GPATCH11: variants seen among roughly 807,000 people sequenced by gnomAD.
GPATCH11 encodes the protein G patch domain-containing protein 11.
Under a neutral mutation model 44.8 loss-of-function variants are expected in GPATCH11, and 32 were observed. The observed-to-expected ratio is 0.71, with a 90% CI of 0.54 to 0.96. GPATCH11 has a LOEUF of 0.96. Ranked by LOEUF, GPATCH11 falls within the 40% of genes least tolerant of loss-of-function variation. The pLI, the probability that GPATCH11 is intolerant of heterozygous loss-of-function variation, is 0.00. For synonymous variants in GPATCH11, 84 were observed against 94.4 expected, an observed-to-expected ratio of 0.89 and a Z score of 0.64; for missense variants, 324 against 303.1, an observed-to-expected ratio of 1.07 and a Z score of -0.51.
chr2:37,087,503 GAGAAGTACTT>G (rs1013502731), intron 1 of GPATCH11, among the ~76,000 whole-genome samples: 37 of 152,346 alleles, frequency 2.4e-4, no homozygotes, highest in African/African-American at 8.4e-4. Flanking sequence ...AATAAAGTTT[GAGAAGTACTT>G]TTGTAGAAAA....
Position 37,092,244 on chromosome 2 carries a change from G to C in GPATCH11, c.529G>C (p.Asp177His), listed in dbSNP as rs2148643664. The change falls in exon 6 of 9, where the codon GAT becomes CAT. Residue 177 changes from aspartate to histidine, a missense_variant. Asp to His is a moderately conservative substitution (Grantham distance 81). Transcript: ENST00000674370. Reference sequence around the variant, plus strand: ...AAGCCAGCGAGCCTGTCAACAACTGGATGTCCAGAAAGTAAGCCTTTTACC... The same window carrying C: ...AAGCCAGCGAGCCTGTCAACAACTGCATGTCCAGAAAGTAAGCCTTTTACC... ...RRSQRACQQL[D>H]VQKNIQVPRE... The C allele has an allele frequency of 6.7e-7, 1 of 1,488,046 alleles. No individual in the cohort carries two copies. The highest frequency in any genetic ancestry group is 2.5e-5 in the East Asian group (1 of 40,798). 92.2% of individuals were successfully genotyped at this position (1,488,046 alleles called of 1,614,324 possible).
In GPATCH11 at chr2:37,090,731, T is replaced by C; in HGVS notation, c.328+9T>C. Reference sequence around the variant, plus strand: ...TCTCAATATCAAAACAGGTACGTAATTATTTTGGAGCATATTTGCCAATAA... The same window carrying C: ...TCTCAATATCAAAACAGGTACGTAACTATTTTGGAGCATATTTGCCAATAA... On this transcript the variant is annotated intron_variant, in intron 4 of 8. Transcript: ENST00000674370. The C allele has an allele frequency of 7.6e-7, 1 of 1,314,112 alleles. No individual in the cohort carries two copies. Among genetic ancestry groups the C allele is most frequent in the Non-Finnish European group, 1.1e-6 (1 of 937,378 alleles). The allele number at this position is 1,314,112 out of a possible 1,614,324, so 81.4% of individuals were successfully genotyped here. A position where few individuals can be genotyped will look rare whatever the true frequency, so the allele number is the denominator to read the frequency against.
Position 37,088,297 on chromosome 2 carries a change from G to T in GPATCH11, c.-13-72G>T, listed in dbSNP as rs535658144. On this transcript the variant is annotated intron_variant, in intron 1 of 8. Coordinates refer to ENST00000674370, the MANE Select transcript of GPATCH11 (RefSeq NM_174931.4). ...AGTAGAGCTCTAGAGACAGCTCATG[G>T]CTGCAGATACAGAAAGGTTTATTTC... 2.9e-5 allele frequency: 19 copies of T among 652,924 alleles called. No individual in the cohort carries two copies. The South Asian group carries it at 4.3e-4, about 15-fold the overall frequency. 40.4% of individuals were successfully genotyped at this position (652,924 alleles called of 1,614,324 possible).
Position 37,089,797 on chromosome 2 carries a change from T to A in GPATCH11, c.217T>A (p.Cys73Ser). Residue 73 changes from cysteine (C) to serine (S), a missense_variant, in exon 3 of 9, where the codon TGT (cysteine) becomes AGT (serine). Coordinates refer to ENST00000674370, the MANE Select transcript of GPATCH11 (RefSeq NM_174931.4). Reference protein sequence around the residue: ...RDIGLKNALGCENKGFALLQK... With the variant: ...RDIGLKNALGSENKGFALLQK... Reference sequence around the variant, plus strand: ...CATTGGGTTGAAGAATGCACTAGGCTGTGAAAACAAAGGGTTTGCCTTGCT... The same window carrying A: ...CATTGGGTTGAAGAATGCACTAGGCAGTGAAAACAAAGGGTTTGCCTTGCT... 6.4e-7 allele frequency: 1 copy of A among 1,551,854 alleles called. No homozygotes were observed.
Position 37,088,367 on chromosome 2 carries a change from A to T in GPATCH11, c.-13-2A>T. ...AAAAAGTAATTATTACTTTATTTGTAGATACTATAGCCATATGAAGTTGAA... is the reference window on the plus strand; with the variant it reads ...AAAAAGTAATTATTACTTTATTTGTTGATACTATAGCCATATGAAGTTGAA... On this transcript the variant is annotated splice_acceptor_variant, in intron 1 of 8. Transcript: ENST00000674370. LOFTEE classifies it low-confidence loss of function (5UTR_SPLICE). 1 of 1,432,140 alleles carries T rather than the reference A, an allele frequency of 7.0e-7. No individual in the cohort carries two copies. The highest frequency in any genetic ancestry group is 1.3e-5 in the South Asian group (1 of 76,900). 88.7% of individuals were successfully genotyped at this position (1,432,140 alleles called of 1,614,324 possible).
chr2:37,089,917 T>G lies in GPATCH11; in HGVS notation c.286+51T>G. On this transcript the variant is annotated intron_variant, in intron 3 of 8. Coordinates refer to ENST00000674370, the MANE Select transcript of GPATCH11 (RefSeq NM_174931.4). ...GTATTCCTTACCACCTAATTGTGAC[T>G]TATGGATAAGGACCAAAGCTGATGC... 3 of 1,288,662 alleles carry G rather than the reference T, an allele frequency of 2.3e-6. No homozygotes were observed. In the South Asian group the frequency reaches 3.8e-5, roughly 16 times the overall value. The allele number at this position is 1,288,662 out of a possible 1,614,324, so 79.8% of individuals were successfully genotyped here. A position where few individuals can be genotyped will look rare whatever the true frequency, so the allele number is the denominator to read the frequency against.
At chr2:37,091,370 G>A (rs911994938) in intron 4 of GPATCH11, among the ~76,000 whole-genome samples, 6 of 150,164 alleles carry the variant, frequency 4.0e-5, no homozygotes, top group Admixed American at 1.3e-4. Flanking sequence ...ACCAGCCTGG[G>A]CAACATAGCA....
chr2:37,094,403 G>GA (rs1673474505), intron 7 of GPATCH11: 1 of 436,458 alleles, frequency 2.3e-6, no homozygotes, highest in East Asian at 3.7e-5. Context: ...TCCCCGAGGG[G>GA]AAAAATAACC....
At chr2:37,091,582 T>C (rs894747638) in intron 4 of GPATCH11, among the ~76,000 whole-genome samples, 2 of 152,160 alleles carry the variant, frequency 1.3e-5, no homozygotes, top group African/African-American at 4.8e-5. Flanking sequence ...GACAGATTTA[T>C]CTACCAAATG....
rs953448965 is a variant in GPATCH11 at position 37,097,491 on chromosome 2, T to G, written c.*1228T>G. 3 of 152,202 alleles carry G rather than the reference T, an allele frequency of 2.0e-5. No homozygotes were observed. The highest frequency in any genetic ancestry group is 2.0e-4 in the Admixed American group (3 of 15,278). 9.4% of individuals were successfully genotyped at this position (152,202 alleles called of 1,614,324 possible). Reference sequence around the variant, plus strand: ...GTTCCTGGATATCTATATATTTATTTTGAAGTCCCAAGAATGAGTGATAAG... The same window carrying G: ...GTTCCTGGATATCTATATATTTATTGTGAAGTCCCAAGAATGAGTGATAAG... On this transcript the variant is annotated 3_prime_UTR_variant, in exon 9 of 9. Coordinates refer to ENST00000674370, the MANE Select transcript of GPATCH11 (RefSeq NM_174931.4).
intron 5 of GPATCH11, 23 bp from the exon 6 acceptor site, chr2:37,092,142 T>A: frequency 1.3e-6 from 2 of 1,543,586 alleles, no homozygotes; most frequent in East Asian, 4.6e-5. Flanking sequence ...GACCTTTAGT[T>A]TACAATTTTT....
rs752196335 is a variant in GPATCH11 at position 37,090,686 on chromosome 2, G to C, written c.292G>C (p.Gly98Arg). 6.8e-7 allele frequency: 1 copy of C among 1,471,004 alleles called. No individual in the cohort carries two copies. Among genetic ancestry groups the C allele is most frequent in the Non-Finnish European group, 9.3e-7 (1 of 1,079,600 alleles). 91.1% of individuals were successfully genotyped at this position (1,471,004 alleles called of 1,614,324 possible). The change falls in exon 4 of 9, where the codon GGT becomes CGT. Residue 98 changes from glycine (G) to arginine (R), a missense_variant. Coordinates refer to ENST00000674370, the MANE Select transcript of GPATCH11 (RefSeq NM_174931.4). Reference protein sequence around the residue: ...SGQALGKSGGGIVEPIPLNIK... With the variant: ...SGQALGKSGGRIVEPIPLNIK... ...TTGTATTCATTCTCTTTAAGGGGGT[G>C]GTATTGTTGAACCAATTCCTCTCAA...
At chr2:37,085,613 G>T (rs572456721) in intron 1 of GPATCH11, among the ~76,000 whole-genome samples, 2 of 152,312 alleles carry the variant, frequency 1.3e-5, no homozygotes, top group East Asian at 3.9e-4. Context: ...AAACAGAATA[G>T]TGACTATTCT....
intron 3 of GPATCH11, among the ~76,000 whole-genome samples, chr2:37,090,176 G>A (rs1259925181): frequency 6.6e-6 from 1 of 152,196 alleles, no homozygotes; most frequent in African/African-American, 2.4e-5. Flanking sequence ...AAGTGCAATG[G>A]CTAAATACAT....
At position 37,096,285 on chromosome 2, in the gene GPATCH11, A is replaced by C. The variant is rs1281751370; in HGVS notation, c.*22A>C. On this transcript the variant is annotated 3_prime_UTR_variant, in exon 9 of 9. Transcript: ENST00000674370. ...CTAAGATTATTCCCAATAAAGTGGAAACTTGAAAAATGTTATTACTTCCTA... is the reference window on the plus strand; with the variant it reads ...CTAAGATTATTCCCAATAAAGTGGACACTTGAAAAATGTTATTACTTCCTA... The C allele has an allele frequency of 6.7e-7, 1 of 1,497,788 alleles. No homozygotes were observed. Among genetic ancestry groups the C allele is most frequent in the Admixed American group, 2.0e-5 (1 of 50,030 alleles). The allele number at this position is 1,497,788 out of a possible 1,614,324, so 92.8% of individuals were successfully genotyped here.
At chr2:37,093,405 G>T (rs1387708477) in intron 6 of GPATCH11, among the ~76,000 whole-genome samples, 1 of 152,130 alleles carries the variant, frequency 6.6e-6, no homozygotes, top group Non-Finnish European at 1.5e-5. Context: ...AAAATAAAAT[G>T]ACTTCATTTG....
chr2:37,088,336 T>TA (rs542703445), intron 1 of GPATCH11, 33 bp from the exon 2 acceptor site: 5,944 of 958,126 alleles, frequency 6.2e-3, no homozygotes, highest in South Asian at 7.6e-3. Flanking sequence ...TCTGATAAAC[T>TA]AAAAAAAAAA....
intron 1 of GPATCH11, 38 bp from the exon 2 acceptor site, chr2:37,088,331 T>G (rs1673141737): frequency 9.5e-7 from 1 of 1,051,044 alleles, no homozygotes; most frequent in Non-Finnish European, 1.4e-6. Context: ...TCCATTCTGA[T>G]AAACTAAAAA....
At chr2:37,091,486 C>T (rs1019358872) in intron 4 of GPATCH11, among the ~76,000 whole-genome samples, 2 of 152,014 alleles carry the variant, frequency 1.3e-5, no homozygotes, top group African/African-American at 4.8e-5. Flanking sequence ...CTGGAGCCCA[C>T]AAGTTCGAGG....
Sources: allele counts gnomAD v4.1 joint callset (sites outside exome capture counted in the v4.1 genomes callset), GRCh38; gene constraint gnomAD v4.1.1; transcripts MANE v1.5; gene names NCBI Gene and HGNC (gene_info 2026-07-23, HGNC 2026-07-21).